The following OR51G2 variants were observed in gnomAD, a reference collection of about 807,000 sequenced individuals.
The protein encoded by OR51G2 is olfactory receptor 51G2.
A neutral mutation model predicts 11.8 loss-of-function variants in OR51G2; 13 were observed. That is an observed-to-expected ratio of 1.10 (90% CI 0.72 to 1.76). The LOEUF (loss-of-function observed/expected upper bound fraction) is 1.76, where lower values mean the gene tolerates loss of function less well. Among genes scored for constraint, OR51G2 ranks in the 40% most tolerant of loss-of-function variants. OR51G2 has a pLI of 0.00. For synonymous variants in OR51G2, 178 were observed against 151.9 expected (o/e 1.17, Z -1.26); for missense variants, 474 against 394.4 (o/e 1.20, Z -1.71).
chr11:4,918,877 C>T (rs950830679), intron 1 of OR51G2, among the ~76,000 whole-genome samples: 2 of 152,184 alleles, frequency 1.3e-5, no homozygotes, highest in African/African-American at 4.8e-5. Context: ...ACTTCCTATC[C>T]ATCTCCTTGT....
chr11:4,914,891 G>C lies in OR51G2; in HGVS notation c.773C>G (p.Thr258Ser), dbSNP rs778900207. 8 of 1,614,170 alleles carry C rather than the reference G, an allele frequency of 5.0e-6. No homozygotes were observed. In the South Asian group the frequency reaches 8.8e-5, roughly 18 times the overall value. The change falls in exon 2 of 2, where the codon ACT (threonine) becomes AGT (serine). Residue 258 changes from threonine to serine, a missense_variant. Transcript: ENST00000641926. ...SHICAVLLFY[T>S]PMIGLSVIHR... is the part of the protein sequence containing the mutation. ...GATGACAGAGAGGCCAATCATGGGA[G>C]TGTAGAAGAGCAGCACAGCACAGAT... is the stretch of plus-strand genomic sequence containing the variant.
Sources: allele counts gnomAD v4.1 joint callset (sites outside exome capture counted in the v4.1 genomes callset), GRCh38; gene constraint gnomAD v4.1.1; transcripts MANE v1.5; gene names NCBI Gene and HGNC (gene_info 2026-07-23, HGNC 2026-07-21).